The following MANBAL variants were observed in gnomAD, a reference collection of about 807,000 sequenced individuals.
The protein encoded by MANBAL is mannosidase beta like, also known as protein MANBAL.
MANBAL carries 1 observed loss-of-function variant against 6.4 expected under a neutral mutation model. That is an observed-to-expected ratio of 0.16 (90% CI 0.06 to 0.74). MANBAL has a LOEUF of 0.74. Among genes scored for constraint, MANBAL ranks in the 30% least tolerant of loss-of-function variants. The pLI is 0.78. For synonymous variants in MANBAL, 47 were observed against 45.8 expected, an observed-to-expected ratio of 1.03 and a Z score of -0.10; for missense variants, 100 against 107.8, an observed-to-expected ratio of 0.93 and a Z score of 0.32.
At chr20:37,291,012 T>G (rs912082220) in intron 1 of MANBAL, among the ~76,000 whole-genome samples, 8 of 152,220 alleles carry the variant, frequency 5.3e-5, no homozygotes, top group African/African-American at 1.9e-4. Context: ...AAGAATGGCC[T>G]ACCAGCACAG....
chr20:37,300,901 G>T (rs2069118135), intron 1 of MANBAL, among the ~76,000 whole-genome samples: 1 of 152,150 alleles, frequency 6.6e-6, no homozygotes, highest in Non-Finnish European at 1.5e-5. Flanking sequence ...CCAGCACTTT[G>T]GGAGGCTGAG....
Position 37,316,336 on chromosome 20 carries a change from C to T in MANBAL, c.179C>T (p.Ala60Val), listed in dbSNP as rs745340108. 162 of 1,613,774 alleles carry T rather than the reference C, an allele frequency of 1.0e-4. 2 individuals are homozygous for T. In the South Asian group the frequency reaches 1.7e-3, roughly 17 times the overall value. ...AEAEPSEPRS[A>V]EVTRKPKAAV... ...GCTGAACCGTCTGAGCCCAGAAGTG[C>T]TGAGGTGACGAGGAAGCCCAAGGCT... The change falls in exon 3 of 3, where the codon GCT (alanine) becomes GTT (valine). Residue 60 changes from alanine (A) to valine (V), a missense_variant. Physicochemically the swap from Ala to Val is moderately conservative, Grantham distance 64 (BLOSUM62 0). Coordinates refer to ENST00000373606, the MANE Select transcript of MANBAL (RefSeq NM_001003897.2).
chr20:37,315,864 C>A (rs2069501067), intron 2 of MANBAL, among the ~76,000 whole-genome samples: 1 of 152,260 alleles, frequency 6.6e-6, no homozygotes, highest in Non-Finnish European at 1.5e-5. Flanking sequence ...CACATTTTGT[C>A]CAGTCCCTGG....
intron 2 of MANBAL, among the ~76,000 whole-genome samples, chr20:37,308,907 A>G (rs912826242): frequency 6.6e-6 from 1 of 152,212 alleles, no homozygotes; most frequent in African/African-American, 2.4e-5. Flanking sequence ...TCATCTGTTC[A>G]TATGCTTATA....
intron 2 of MANBAL, among the ~76,000 whole-genome samples, chr20:37,312,747 G>A (rs921054730): frequency 2.0e-5 from 3 of 152,292 alleles, no homozygotes; most frequent in South Asian, 2.1e-4. Context: ...TTGGGCTTTA[G>A]TGATCCTCCT....
At chr20:37,301,965 G>A (rs2069146944) in intron 2 of MANBAL, among the ~76,000 whole-genome samples, 1 of 152,212 alleles carries the variant, frequency 6.6e-6, no homozygotes, top group South Asian at 2.1e-4. Flanking sequence ...GGTGACTGTG[G>A]CCAGAGCACA....
At chr20:37,300,527 G>A (rs756348700) in intron 1 of MANBAL, among the ~76,000 whole-genome samples, 3 of 152,186 alleles carry the variant, frequency 2.0e-5, no homozygotes, top group Admixed American at 2.0e-4. Flanking sequence ...GAAAGCAGGG[G>A]TTTGTCTGTT....
chr20:37,294,014 C>T (rs999586810), intron 1 of MANBAL, among the ~76,000 whole-genome samples: 13 of 152,262 alleles, frequency 8.5e-5, no homozygotes, highest in African/African-American at 2.6e-4. Context: ...CGCAAACTGC[C>T]GGGCTCAAGC....
rs553069124 is a variant in MANBAL, at chr20:37,313,440, C to CA, written c.151-2867dup. On this transcript the variant is annotated intron_variant, in intron 2 of 2. Coordinates refer to ENST00000373606, the MANE Select transcript of MANBAL (RefSeq NM_001003897.2). ...GCATTATGGGCTGGGCGCAGTGGCT[C>CA]ACGCCTGTAATCCCAGCACTGTGGG... Among the ~76,000 whole-genome samples, 265 of 152,138 alleles carry CA rather than the reference C, an allele frequency of 1.7e-3. 3 individuals carry two copies. The highest frequency in any genetic ancestry group is 6.1e-3 in the African/African-American group (255 of 41,524).
At chr20:37,309,154 C>G (rs993368581) in intron 2 of MANBAL, among the ~76,000 whole-genome samples, 17 of 152,090 alleles carry the variant, frequency 1.1e-4, no homozygotes, top group African/African-American at 3.9e-4. Flanking sequence ...CTTCATGTGT[C>G]TCTCTCTCTC....
At chr20:37,307,908 T>TAG (rs2069294024) in intron 2 of MANBAL, among the ~76,000 whole-genome samples, 1 of 152,178 alleles carries the variant, frequency 6.6e-6, no homozygotes, top group South Asian at 2.1e-4. Flanking sequence ...GCAATGTAGA[T>TAG]AGACTGAGAA....
intron 1 of MANBAL, among the ~76,000 whole-genome samples, chr20:37,292,153 T>C (rs1173877961): frequency 6.6e-6 from 1 of 152,232 alleles, no homozygotes; most frequent in African/African-American, 2.4e-5. Context: ...AAAGTCATTA[T>C]GTACAGCACA....
In MANBAL at chr20:37,316,656, C is replaced by G; in HGVS notation, c.*241C>G. 1 of 395,134 alleles carries G rather than the reference C, an allele frequency of 2.5e-6. No homozygotes were observed. 24.5% of individuals were successfully genotyped at this position (395,134 alleles called of 1,614,324 possible). ...CAAGGGGGCTGAAACACACTGTGAG[C>G]ATAGACTGTATTAGGTTTGTTCAGA... On this transcript the variant is annotated 3_prime_UTR_variant, in exon 3 of 3. Transcript: ENST00000373606.
chr20:37,311,313 G>C (rs2069381792), intron 2 of MANBAL, among the ~76,000 whole-genome samples: 1 of 152,208 alleles, frequency 6.6e-6, no homozygotes, highest in Non-Finnish European at 1.5e-5. Context: ...AGAGTAGGCT[G>C]CACGACGGGG....
chr20:37,294,256 A>T (rs2068941607), intron 1 of MANBAL, among the ~76,000 whole-genome samples: 1 of 152,220 alleles, frequency 6.6e-6, no homozygotes, highest in East Asian at 1.9e-4. Context: ...ATTTCACCTC[A>T]GCATTCCTGT....
intron 2 of MANBAL, among the ~76,000 whole-genome samples, chr20:37,305,969 G>A (rs547050680): frequency 2.6e-5 from 4 of 152,276 alleles, no homozygotes; most frequent in Admixed American, 2.6e-4. Context: ...TTTGGAAGGA[G>A]TTTGGAGGGG....
intron 2 of MANBAL, among the ~76,000 whole-genome samples, chr20:37,307,174 C>T (rs2069278223): frequency 6.6e-6 from 1 of 152,096 alleles, no homozygotes; most frequent in Non-Finnish European, 1.5e-5. Context: ...CTATGTTGCC[C>T]AGGCTGGTCT....
chr20:37,316,482 C>A lies in MANBAL; in HGVS notation c.*67C>A. 7.2e-7 allele frequency: 1 copy of A among 1,380,518 alleles called. No individual in the cohort carries two copies. The highest frequency in any genetic ancestry group is 1.0e-6 in the Non-Finnish European group (1 of 992,334). The allele number at this position is 1,380,518 out of a possible 1,614,324, so 85.5% of individuals were successfully genotyped here. ...TGGGGACAGCCCTCCTGGGAATCTA[C>A]ATTGTGTTCCCCCGCATTCCAGGCT... On this transcript the variant is annotated 3_prime_UTR_variant, in exon 3 of 3. Transcript: ENST00000373606.
chr20:37,306,116 A>G lies in MANBAL; in HGVS notation c.150+4703A>G, dbSNP rs2069252101. On this transcript the variant is annotated intron_variant, in intron 2 of 2. Transcript: ENST00000373606. ...CTGGAAGTGGAGGGTGGCAGGAGGT[A>G]GGAGAGGGGGCAGAAGTGAGGGTGG... Among the ~76,000 whole-genome samples, 4 of 152,014 alleles carry G rather than the reference A, an allele frequency of 2.6e-5. No individual in the cohort carries two copies. In the South Asian group the frequency reaches 8.3e-4, roughly 32 times the overall value.
Sources: allele counts gnomAD v4.1 joint callset (sites outside exome capture counted in the v4.1 genomes callset), GRCh38; gene constraint gnomAD v4.1.1; transcripts MANE v1.5; gene names NCBI Gene and HGNC (gene_info 2026-07-23, HGNC 2026-07-21).